The following GPSM1 variants were observed in gnomAD, a reference collection of about 807,000 sequenced individuals.
GPSM1 encodes G protein-signaling modulator 1.
In GPSM1, 48 loss-of-function variants were observed where a neutral mutation model predicts 70.5. The observed-to-expected ratio is 0.68, with a 90% CI of 0.54 to 0.87. The LOEUF is 0.87. Ranked by LOEUF, GPSM1 falls within the 40% of genes least tolerant of loss-of-function variation. The pLI is 0.00. For synonymous variants in GPSM1, 416 were observed against 430.1 expected, an observed-to-expected ratio of 0.97 and a Z score of 0.41; for missense variants, 981 against 972.6, an observed-to-expected ratio of 1.01 and a Z score of -0.11.
At chr9:136,328,984 G>T (rs1554768231) in intron 1 of GPSM1, among the ~76,000 whole-genome samples, 1 of 145,184 alleles carries the variant, frequency 6.9e-6, no homozygotes, top group Non-Finnish European at 1.5e-5. Flanking sequence ...AGTGTGTGGA[G>T]CTGTGAGAGA....
At chr9:136,348,655 T>G (rs781821146) in intron 9 of GPSM1, 42 bp from the exon 10 acceptor site, 2 of 1,485,118 alleles carry the variant, frequency 1.3e-6, no homozygotes, top group Non-Finnish European at 1.9e-6. Flanking sequence ...CAATGCGAGG[T>G]GCCAGGGTGG....
At chr9:136,329,951 C>T (rs1185933250) in intron 1 of GPSM1, among the ~76,000 whole-genome samples, 56 of 132,946 alleles carry the variant, frequency 4.2e-4, no homozygotes, top group African/African-American at 1.6e-3. Flanking sequence ...TCGGTGGGGA[C>T]GGGCCCTTGG....
chr9:136,344,222 C>G (rs1397449453), intron 9 of GPSM1, among the ~76,000 whole-genome samples: 1 of 110,872 alleles, frequency 9.0e-6, no homozygotes, highest in Admixed American at 9.7e-5. Flanking sequence ...GGTGGGGGCG[C>G]GGACAGAAGC....
At chr9:136,350,722 A>T (rs1279896739) in intron 11 of GPSM1, among the ~76,000 whole-genome samples, 1 of 152,224 alleles carries the variant, frequency 6.6e-6, no homozygotes, top group Non-Finnish European at 1.5e-5. Flanking sequence ...AGAGGGTCAC[A>T]GCCCAGCAAG....
rs1479647490 is a variant in GPSM1, at chr9:136,341,889, G to C, written c.1207+896G>C. On this transcript the variant is annotated intron_variant, in intron 9 of 13. Coordinates refer to ENST00000440944, the MANE Select transcript of GPSM1 (RefSeq NM_001145638.3). The surrounding 1 kb of genome is among the most constrained non-coding windows in gnomAD (Gnocchi z 6.7). The stretch of plus-strand genomic sequence containing the variant: ...CAGTGTCAAACTCCCAGCCTCAAGC[G>C]ATCCTCCCATCTCGGCTTCCAGAAG... 1 of 579,472 alleles carries C rather than the reference G, an allele frequency of 1.7e-6. No homozygotes were observed. The highest frequency in any genetic ancestry group is 2.2e-6 in the Non-Finnish European group (1 of 458,810). 35.9% of individuals were successfully genotyped at this position (579,472 alleles called of 1,614,324 possible).
intron 11 of GPSM1, chr9:136,354,714 C>T (rs1012224170): frequency 8.1e-6 from 5 of 618,504 alleles, no homozygotes; most frequent in African/African-American, 2.0e-5. Flanking sequence ...CAGGAGACCA[C>T]GCCCTCCAGC....
chr9:136,349,772 CT>C lies in GPSM1; in HGVS notation c.1455+12del. ...TGCACGTGCCACGCACGGTAGGCGT[CT>C]TTGACGGCAGATCCAGGCCGAGAGG... On this transcript the variant is annotated intron_variant, in intron 11 of 13. Transcript: ENST00000440944. 6.4e-7 allele frequency: 1 copy of C among 1,563,006 alleles called. No individual in the cohort carries two copies. Among genetic ancestry groups the C allele is most frequent in the Non-Finnish European group, 8.7e-7 (1 of 1,154,850 alleles).
chr9:136,334,331 TG>T, intron 1 of GPSM1, 115 bp from the exon 2 acceptor site: 1 of 690,052 alleles, frequency 1.4e-6, no homozygotes, highest in Non-Finnish European at 2.5e-6. Flanking sequence ...TGAGCACAGA[TG>T]TGGTGTGTGC....
Position 136,337,891 on chromosome 9 carries a change from A to G in GPSM1, c.748A>G (p.Arg250Gly), listed in dbSNP as rs782623244. ...KEFGDKAAER[R>G]AYSNLGNAHV... ...GTTTGGAGACAAGGCAGCCGAGAGGAGGGCCTACAGCAACCTGGGGAACGC... is the reference window on the plus strand; with the variant it reads ...GTTTGGAGACAAGGCAGCCGAGAGGGGGGCCTACAGCAACCTGGGGAACGC... Residue 250 changes from arginine (R) to glycine (G), a missense_variant, in exon 6 of 14, where the codon AGG (arginine) becomes GGG (glycine). Transcript: ENST00000440944. 5.6e-6 allele frequency: 9 copies of G among 1,612,674 alleles called. No homozygotes were observed. The South Asian group carries it at 7.7e-5, about 14-fold the overall frequency.
rs200168496 is a variant in GPSM1, at chr9:136,357,997, G to T, written c.1822-17G>T. The T allele has an allele frequency of 1.3e-5, 21 of 1,606,948 alleles. No individual in the cohort carries two copies. The South Asian group carries it at 2.2e-4, about 17-fold the overall frequency. Reference sequence around the variant, plus strand: ...GGCTGGGGGGGTGAGGCCGCCAACTGCACTGTGTCCACCCAGTCCTCCAGG... The same window carrying T: ...GGCTGGGGGGGTGAGGCCGCCAACTTCACTGTGTCCACCCAGTCCTCCAGG... On this transcript the variant is annotated splice_polypyrimidine_tract_variant and intron_variant, in intron 13 of 13. Transcript: ENST00000440944.
chr9:136,351,686 C>T (rs1273398838), intron 11 of GPSM1, among the ~76,000 whole-genome samples: 3 of 152,220 alleles, frequency 2.0e-5, no homozygotes, highest in Admixed American at 2.0e-4. Context: ...AGGGAGCCCC[C>T]ACCTGCTGCG....
At chr9:136,329,816 G>A (rs1192267312) in intron 1 of GPSM1, among the ~76,000 whole-genome samples, 2 of 151,872 alleles carry the variant, frequency 1.3e-5, no homozygotes, top group East Asian at 3.9e-4. Context: ...CGGGCCCCTG[G>A]GTTCTGGGTC....
chr9:136,334,657 C>T lies in GPSM1; in HGVS notation c.279C>T (p.Leu93=). The T allele has an allele frequency of 6.2e-7, 1 of 1,609,232 alleles. No individual in the cohort carries two copies. Among genetic ancestry groups the T allele is most frequent in the African/African-American group, 1.3e-5 (1 of 74,096 alleles). The change falls in exon 2 of 14, where the codon CTC becomes CTT. Residue 93 remains leucine, a synonymous_variant. Coordinates refer to ENST00000440944, the MANE Select transcript of GPSM1 (RefSeq NM_001145638.3). ...GRALEYHKHD[L]LLARTIGDRM... is the part of the protein sequence containing the mutation. ...CGCTGGAATACCACAAGCATGACCT[C>T]CTGCTGGCGCGGTGAGTGGGGACGG...
chr9:136,348,851 C>G lies in GPSM1; in HGVS notation c.1278+84C>G, dbSNP rs139584534. On this transcript the variant is annotated intron_variant, in intron 10 of 13. Coordinates refer to ENST00000440944, the MANE Select transcript of GPSM1 (RefSeq NM_001145638.3). ...GGTTAATGAGGCAGAGCCACCGCCACCCACCTCAGCCCCTGTCTGCTGGGA... is the reference window on the plus strand; with the variant it reads ...GGTTAATGAGGCAGAGCCACCGCCAGCCACCTCAGCCCCTGTCTGCTGGGA... 1.1e-5 allele frequency: 11 copies of G among 980,464 alleles called. No homozygotes were observed. The African/African-American group carries it at 1.3e-4, about 11-fold the overall frequency. The allele number at this position is 980,464 out of a possible 1,614,324, so 60.7% of individuals were successfully genotyped here.
chr9:136,351,306 TC>T (rs1832656514), intron 11 of GPSM1, among the ~76,000 whole-genome samples: 1 of 151,684 alleles, frequency 6.6e-6, no homozygotes, highest in Non-Finnish European at 1.5e-5. Flanking sequence ...GGTCAGGCCT[TC>T]CCGGGGGTCC....
intron 6 of GPSM1, among the ~76,000 whole-genome samples, 157 bp from the exon 7 acceptor site, chr9:136,338,398 T>C (rs1402680517): frequency 6.6e-6 from 1 of 152,192 alleles, no homozygotes; most frequent in Non-Finnish European, 1.5e-5. Flanking sequence ...AGTCCCGCTC[T>C]GTGGCCATGT....
At chr9:136,357,297 C>T (rs1832857791) in intron 13 of GPSM1, among the ~76,000 whole-genome samples, 1 of 152,186 alleles carries the variant, frequency 6.6e-6, no homozygotes, top group Non-Finnish European at 1.5e-5. Flanking sequence ...CGAACCAAGC[C>T]AGCACGTTTC....
Position 136,358,370 on chromosome 9 carries a change from C to T in GPSM1, c.*150C>T. The T allele has an allele frequency of 1.4e-6, 1 of 731,366 alleles. No homozygotes were observed. Among genetic ancestry groups the T allele is most frequent in the South Asian group, 1.7e-5 (1 of 57,468 alleles). 45.3% of individuals were successfully genotyped at this position (731,366 alleles called of 1,614,324 possible). A position where few individuals can be genotyped will look rare whatever the true frequency, so the allele number is the denominator to read the frequency against. On this transcript the variant is annotated 3_prime_UTR_variant, in exon 14 of 14. Transcript: ENST00000440944. ...CCGACCCAGGGCGACAGGCTCAGGC[C>T]AAGCTGCCCGTGGTGGGAGGGCGTG...
chr9:136,355,957 G>A, intron 12 of GPSM1, 111 bp downstream of exon 12: 1 of 877,202 alleles, frequency 1.1e-6, no homozygotes, highest in Non-Finnish European at 1.7e-6. Context: ...CAGCAGGCCA[G>A]CTGCAGAGCA....
Sources: allele counts gnomAD v4.1 joint callset (sites outside exome capture counted in the v4.1 genomes callset), GRCh38; gene constraint gnomAD v4.1.1; non-coding constraint Gnocchi (gnomAD v3.1); transcripts MANE v1.5; gene names NCBI Gene and HGNC (gene_info 2026-07-23, HGNC 2026-07-21).